Variants in LARGE1 observed in about 807,000 individuals in gnomAD.
The protein encoded by LARGE1 is xylosyl- and glucuronyltransferase LARGE1.
In LARGE1, 43 loss-of-function variants were observed where a neutral mutation model predicts 87.6. The ratio of observed to expected loss-of-function variants is 0.49; its 90% confidence interval spans 0.38 to 0.63. LARGE1 has a LOEUF of 0.63. Among genes scored for constraint, LARGE1 ranks in the 30% least tolerant of loss-of-function variants. The probability of loss-of-function intolerance (pLI) is 0.00; values close to 1 mark genes in which losing one functional copy is unlikely to be tolerated. For missense variants in LARGE1, 802 were observed against 1,000.2 expected, an observed-to-expected ratio of 0.80 and a Z score of 2.67; for synonymous variants, 434 against 394.6, an observed-to-expected ratio of 1.10 and a Z score of -1.18.
chr22:33,141,366 T>C, the LARGE1 span, among the ~76,000 whole-genome samples: 1 of 152,148 alleles, frequency 6.6e-6, no homozygotes, highest in Non-Finnish European at 1.5e-5. Context: ...CACTGAGAAG[T>C]GTTAGTGTTT....
rs190308512 is a variant in LARGE1 at position 33,332,937 on chromosome 22, C to T, written c.1287+4709G>A. On this transcript the variant is annotated intron_variant, in intron 10 of 14. Coordinates refer to ENST00000397394, the MANE Select transcript of LARGE1 (RefSeq NM_133642.5). Reference sequence around the variant, plus strand: ...GTACCCACAAAACAATCCATCTGCTCTCTCCATTCCCACCGCAACTGTCCT... The same window carrying T: ...GTACCCACAAAACAATCCATCTGCTTTCTCCATTCCCACCGCAACTGTCCT... Among the ~76,000 whole-genome samples the T allele has an allele frequency of 7.2e-5, 11 of 152,266 alleles. No individual in the cohort carries two copies. The East Asian group carries it at 2.1e-3, about 29-fold the overall frequency.
At chr22:33,089,287 T>C in the LARGE1 span, among the ~76,000 whole-genome samples, 50 of 150,414 alleles carry the variant, frequency 3.3e-4, 1 homozygote, top group South Asian at 0.01. Context: ...CTTGTTCTTC[T>C]TCTTCTTCTT....
intron 7 of LARGE1, among the ~76,000 whole-genome samples, chr22:33,391,895 G>A (rs1358632127): frequency 6.7e-6 from 1 of 149,668 alleles, no homozygotes; most frequent in African/African-American, 2.5e-5. Flanking sequence ...TCAGCCTCCC[G>A]AGTAGCTGGG....
chr22:33,258,507 A>T (rs1029319851), intron 11 of LARGE1, among the ~76,000 whole-genome samples: 1 of 152,292 alleles, frequency 6.6e-6, no homozygotes, highest in East Asian at 1.9e-4. Flanking sequence ...TTGAGTGAGG[A>T]CTAGGAACAT....
intron 9 of LARGE1, among the ~76,000 whole-genome samples, chr22:33,345,194 T>A (rs1265776683): frequency 6.6e-6 from 1 of 152,172 alleles, no homozygotes; most frequent in Non-Finnish European, 1.5e-5. Flanking sequence ...CACAACTCTA[T>A]GAGACAAGTG....
the LARGE1 span, among the ~76,000 whole-genome samples, chr22:33,096,571 T>G: frequency 1.9e-5 from 2 of 106,924 alleles, no homozygotes; most frequent in African/African-American, 5.9e-5. Flanking sequence ...TTTTTGTTTT[T>G]TTTTTTTTTT....
chr22:33,102,771 G>A, the LARGE1 span, among the ~76,000 whole-genome samples: 18 of 151,722 alleles, frequency 1.2e-4, no homozygotes, highest in South Asian at 8.4e-4. Context: ...GATTACAGGC[G>A]TAAACCACTG....
chr22:33,180,100 T>C (rs1923083997), intron 11 of LARGE1, among the ~76,000 whole-genome samples: 1 of 152,190 alleles, frequency 6.6e-6, no homozygotes, highest in Non-Finnish European at 1.5e-5. Flanking sequence ...GACTGGGCCC[T>C]CACCAGCCAG....
chr22:33,363,685 A>C (rs1258468506), intron 9 of LARGE1, among the ~76,000 whole-genome samples: 17 of 150,030 alleles, frequency 1.1e-4, no homozygotes, highest in Admixed American at 1.1e-3. Flanking sequence ...AGGCACAGTG[A>C]AAGATTAATA....
intron 9 of LARGE1, among the ~76,000 whole-genome samples, chr22:33,381,234 A>G (rs1273566042): frequency 6.6e-6 from 1 of 152,194 alleles, no homozygotes; most frequent in East Asian, 1.9e-4. Flanking sequence ...CAAACTCATC[A>G]ACTATATAAA....
At chr22:33,563,872 C>T (rs2077939893) in intron 6 of LARGE1, among the ~76,000 whole-genome samples, 1 of 152,152 alleles carries the variant, frequency 6.6e-6, no homozygotes, top group Non-Finnish European at 1.5e-5. Flanking sequence ...TAGCCCAGAG[C>T]TCAGAAGCCC....
At chr22:33,856,841 GAT>G (rs2063769338) in intron 1 of LARGE1, 1 of 152,198 alleles carries the variant, frequency 6.6e-6, no homozygotes, top group South Asian at 2.1e-4. Context: ...TTAGTTGTCA[GAT>G]GAACCTGTCT....
At chr22:33,310,755 T>G (rs1935483615) in intron 11 of LARGE1, among the ~76,000 whole-genome samples, 1 of 152,130 alleles carries the variant, frequency 6.6e-6, no homozygotes, top group Non-Finnish European at 1.5e-5. Flanking sequence ...AAGCCTGCAG[T>G]GCCGCTTTAT....
At chr22:33,658,469 T>G (rs74984725) in intron 2 of LARGE1, among the ~76,000 whole-genome samples, 1,747 of 152,230 alleles carry the variant, frequency 0.011, 31 homozygotes, top group African/African-American at 0.041. Context: ...GGCCCCAGTG[T>G]GTGTTGTTCC....
At chr22:33,092,897 A>G in the LARGE1 span, among the ~76,000 whole-genome samples, 4 of 152,106 alleles carry the variant, frequency 2.6e-5, no homozygotes. Context: ...GGTTGATTTC[A>G]CATCTTTGCT....
the LARGE1 span, among the ~76,000 whole-genome samples, chr22:33,137,838 A>C: frequency 6.6e-6 from 1 of 152,216 alleles, no homozygotes; most frequent in East Asian, 1.9e-4. Context: ...ACCTCCAATC[A>C]GATTTCAGAA....
At chr22:33,862,642 G>A (rs1463142335) in intron 1 of LARGE1, among the ~76,000 whole-genome samples, 1 of 152,190 alleles carries the variant, frequency 6.6e-6, no homozygotes, top group Non-Finnish European at 1.5e-5. Flanking sequence ...ACAGTGTGGG[G>A]ACACAGAGGC....
chr22:33,501,461 G>A (rs1477124776), intron 6 of LARGE1, among the ~76,000 whole-genome samples: 1 of 152,176 alleles, frequency 6.6e-6, no homozygotes. Flanking sequence ...CAGGGGAGAG[G>A]AGGATGGAGA....
chr22:33,531,413 C>T (rs563956113), intron 6 of LARGE1, among the ~76,000 whole-genome samples: 63 of 152,274 alleles, frequency 4.1e-4, no homozygotes, highest in African/African-American at 1.5e-3. Context: ...CCGCCTCGGC[C>T]TCCCAAAGTG....
Sources: allele counts gnomAD v4.1 joint callset (sites outside exome capture counted in the v4.1 genomes callset), GRCh38; gene constraint gnomAD v4.1.1; transcripts MANE v1.5; gene names NCBI Gene and HGNC (gene_info 2026-07-23, HGNC 2026-07-21).